Variants in MICU1 observed in about 807,000 individuals in gnomAD.
The protein encoded by MICU1 is calcium uptake protein 1, mitochondrial.
MICU1 carries 45 observed loss-of-function variants against 56.8 expected under a neutral mutation model. The ratio of observed to expected loss-of-function variants is 0.79; its 90% CI spans 0.62 to 1.02. MICU1 has a LOEUF of 1.02. MICU1 is among the 50% of genes least tolerant of loss of function. MICU1 has a pLI of 0.00. For missense variants in MICU1, 504 were observed against 587.1 expected (o/e 0.86, Z 1.46); for synonymous variants, 186 against 195.1 (o/e 0.95, Z 0.39).
intron 6 of MICU1, among the ~76,000 whole-genome samples, chr10:72,497,853 T>C (rs1415415807): frequency 1.3e-5 from 2 of 152,234 alleles, no homozygotes; most frequent in Non-Finnish European, 2.9e-5. Flanking sequence ...ATCTCAAATA[T>C]GCTTTCATTC....
chr10:72,508,342 A>T, intron 5 of MICU1, 73 bp from the exon 6 acceptor site: 2 of 565,082 alleles, frequency 3.5e-6, no homozygotes, highest in Non-Finnish European at 6.1e-6. Flanking sequence ...TAAGAGATGA[A>T]TCACCATTTA....
rs891124343 is a variant in MICU1 at position 72,436,571 on chromosome 10, T to G, written c.934-13200A>C. ...TAGACAGAGAATGACTTTGACGAGT[T>G]GACAGAAGTAGGCTTCAGAAGGTCG... is the stretch of plus-strand genomic sequence containing the variant. On this transcript the variant is annotated intron_variant, in intron 8 of 11. Coordinates refer to ENST00000361114, the MANE Select transcript of MICU1 (RefSeq NM_001195518.2). Among the ~76,000 whole-genome samples the G allele has an allele frequency of 2.3e-4, 35 of 152,144 alleles. 1 individual carries two copies. Among genetic ancestry groups the G allele is most frequent in the African/African-American group, 8.2e-4 (34 of 41,426 alleles).
chr10:72,501,263 T>C (rs998714605), intron 6 of MICU1, among the ~76,000 whole-genome samples: 5 of 152,096 alleles, frequency 3.3e-5, no homozygotes, highest in African/African-American at 1.2e-4. Flanking sequence ...GATACAAATA[T>C]ATGAATTCTG....
At chr10:72,456,849 TTGTGTGTGTGTGTGTGTG>T (rs56262647) in intron 8 of MICU1, among the ~76,000 whole-genome samples, 6,387 of 134,644 alleles carry the variant, frequency 0.047, 555 homozygotes, top group African/African-American at 0.15. Flanking sequence ...CGGGCTCATT[TTGTGTGTGTGTGTGTGTG>T]TGTGTGTGTG....
At chr10:72,527,334 ACTTAT>A (rs923763739) in intron 5 of MICU1, among the ~76,000 whole-genome samples, 13 of 152,128 alleles carry the variant, frequency 8.5e-5, no homozygotes, top group Admixed American at 3.3e-4. Context: ...TAAGCTAGCT[ACTTAT>A]CTTTTCTGTA....
At chr10:72,598,041 T>C (rs1474693045) in intron 1 of MICU1, among the ~76,000 whole-genome samples, 1 of 152,192 alleles carries the variant, frequency 6.6e-6, no homozygotes, top group African/African-American at 2.4e-5. Context: ...AATCATTCTC[T>C]GCATTCTGTG....
chr10:72,583,935 G>A (rs1193965887), intron 1 of MICU1, among the ~76,000 whole-genome samples: 1 of 152,226 alleles, frequency 6.6e-6, no homozygotes, highest in African/African-American at 2.4e-5. Flanking sequence ...CCTGTTCTGA[G>A]AAGTGAGTAT....
intron 3 of MICU1, among the ~76,000 whole-genome samples, chr10:72,554,918 G>A (rs904767714): frequency 2.0e-5 from 3 of 152,182 alleles, no homozygotes; most frequent in Non-Finnish European, 4.4e-5. Flanking sequence ...GGGAGGCTGA[G>A]GCAGGAGAAT....
At chr10:72,421,422 C>G (rs1252087111) in intron 9 of MICU1, among the ~76,000 whole-genome samples, 2 of 152,036 alleles carry the variant, frequency 1.3e-5, no homozygotes, top group Non-Finnish European at 2.9e-5. Flanking sequence ...TTATAGGCGC[C>G]CACCACCACG....
Position 72,373,180 on chromosome 10 carries a change from AT to A in MICU1, c.1270+2602del, listed in dbSNP as rs751527368. Among the ~76,000 whole-genome samples the A allele has an allele frequency of 5.6e-3, 744 of 133,196 alleles. 1 individual carries two copies. The highest frequency in any genetic ancestry group is 0.028 in the East Asian group (131 of 4,694). 87.4% of individuals were successfully genotyped at this position (133,196 alleles called of 152,430 possible). A position where few individuals can be genotyped will look rare whatever the true frequency, so the allele number is the denominator to read the frequency against. On this transcript the variant is annotated intron_variant, in intron 11 of 11. Coordinates refer to ENST00000361114, the MANE Select transcript of MICU1 (RefSeq NM_001195518.2). ...CCCTGGCACTTTATTTTGTTTGTTC[AT>A]TTTTTTTTTTTTTTTTGAGATGAGG...
At chr10:72,456,849 T>TTGTG (rs56262647) in intron 8 of MICU1, among the ~76,000 whole-genome samples, 6,006 of 133,320 alleles carry the variant, frequency 0.045, 185 homozygotes, top group East Asian at 0.1. Flanking sequence ...CGGGCTCATT[T>TTGTG]TGTGTGTGTG....
chr10:72,474,074 T>C (rs1866030537), intron 8 of MICU1, among the ~76,000 whole-genome samples: 1 of 151,464 alleles, frequency 6.6e-6, no homozygotes, highest in Non-Finnish European at 1.5e-5. Context: ...CTGGCCAACA[T>C]GGTGAAACTG....
intron 10 of MICU1, among the ~76,000 whole-genome samples, chr10:72,377,590 G>A (rs988055502): frequency 5.3e-5 from 8 of 152,146 alleles, no homozygotes; most frequent in Non-Finnish European, 8.8e-5. Context: ...CAGGAAGGAC[G>A]AGGCAATTTC....
intron 5 of MICU1, among the ~76,000 whole-genome samples, chr10:72,513,216 C>A (rs895001494): frequency 6.6e-6 from 1 of 152,190 alleles, no homozygotes; most frequent in African/African-American, 2.4e-5. Context: ...ACCAATACTT[C>A]TTCCTCTTCT....
chr10:72,495,532 T>A (rs976176502), intron 6 of MICU1, among the ~76,000 whole-genome samples: 1 of 151,866 alleles, frequency 6.6e-6, no homozygotes, highest in Non-Finnish European at 1.5e-5. Context: ...GGCGGGTGCC[T>A]GTAATTTCAG....
intron 8 of MICU1, among the ~76,000 whole-genome samples, chr10:72,431,335 G>A (rs927364090): frequency 1.3e-5 from 2 of 152,070 alleles, no homozygotes; most frequent in African/African-American, 4.8e-5. Context: ...TCGCCATCTT[G>A]CCCAGGCTGG....
chr10:72,402,887 T>TA (rs1177986068), intron 10 of MICU1, among the ~76,000 whole-genome samples: 2 of 151,460 alleles, frequency 1.3e-5, no homozygotes, highest in African/African-American at 2.4e-5. Context: ...CTATAAAAAA[T>TA]AAAAAAAATT....
rs1327495378 is a variant in MICU1, at chr10:72,477,201, T to G, written c.708A>C (p.Gly236=). The G allele has an allele frequency of 2.6e-6, 4 of 1,549,338 alleles. No individual in the cohort carries two copies. In the Admixed American group the frequency reaches 7.9e-5, roughly 31 times the overall value. Residue 236 remains glycine (G), a synonymous_variant, in exon 7 of 12, where the codon GGA becomes GGC. Transcript: ENST00000361114. ...GTTCAAATTCTTCCATATCTACTTC[T>G]CCATCTCCATTCAAATCAAACATCT... ...AFKMFDLNGD[G]EVDMEEFEQV...
At chr10:72,584,051 T>C (rs1840978247) in intron 1 of MICU1, among the ~76,000 whole-genome samples, 1 of 152,186 alleles carries the variant, frequency 6.6e-6, no homozygotes, top group African/African-American at 2.4e-5. Flanking sequence ...TAGAAACAAG[T>C]ATCATCTCAC....
Sources: gnomAD v4.1 joint callset for allele counts (sites outside exome capture counted in the v4.1 genomes callset) on GRCh38, gnomAD v4.1.1 for gene constraint, MANE v1.5 for transcripts, NCBI Gene and HGNC (gene_info 2026-07-23, HGNC 2026-07-21) for gene names.